Variants in SYNE1 observed in about 807,000 individuals in gnomAD.
SYNE1 encodes nesprin-1.
A neutral mutation model predicts 1,111.0 loss-of-function variants in SYNE1; 616 were observed. That is an observed-to-expected ratio of 0.55 (90% CI 0.52 to 0.59). The LOEUF (loss-of-function observed/expected upper bound fraction) is 0.59, where lower values mean the gene tolerates loss of function less well. Ranked by LOEUF, SYNE1 falls within the 20% of genes least tolerant of loss-of-function variation. The probability of loss-of-function intolerance (pLI) is 0.00; values close to 1 mark genes in which losing one functional copy is unlikely to be tolerated. For missense variants in SYNE1, 10,006 were observed against 10,417.0 expected (o/e 0.96, Z 1.72); for synonymous variants, 3,855 against 3,825.8 (o/e 1.01, Z -0.28).
In SYNE1 at chr6:152,244,589, C is replaced by T. The variant is rs766241487; in HGVS notation, c.19640G>A (p.Gly6547Asp). 28 of 1,613,968 alleles carry T rather than the reference C, an allele frequency of 1.7e-5. No individual in the cohort carries two copies. The highest frequency in any genetic ancestry group is 2.2e-5 in the Non-Finnish European group (26 of 1,179,980). The change falls in exon 106 of 146, where the codon GGT becomes GAT. Residue 6547 changes from glycine to aspartate, a missense_variant. Physicochemically the swap from Gly to Asp is moderately conservative, Grantham distance 94. Transcript: ENST00000367255. ...DAGIIELKRRGDKLQVEQPSM... is the reference protein window; with the variant it reads ...DAGIIELKRRDDKLQVEQPSM... ...CGGCTGCTCGACCTGTAGCTTGTCA[C>T]CACGCCTCTTTAATTCAATGATTCC...
chr6:152,455,751 A>T, intron 23 of SYNE1, 135 bp downstream of exon 23: 1 of 1,398,740 alleles, frequency 7.1e-7, no homozygotes, highest in South Asian at 1.2e-5. Context: ...TTAGGTAAAA[A>T]AGTAGGACAA....
chr6:152,135,598 T>C (rs924377139), intron 141 of SYNE1, among the ~76,000 whole-genome samples: 1 of 152,208 alleles, frequency 6.6e-6, no homozygotes, highest in South Asian at 2.1e-4. Flanking sequence ...GAATCTCATA[T>C]CCCCTTCATT....
intron 111 of SYNE1, 74 bp from the exon 112 acceptor site, chr6:152,234,037 G>A (rs1294232923): frequency 7.4e-6 from 11 of 1,480,986 alleles, no homozygotes; most frequent in African/African-American, 1.4e-5. Context: ...GACCAATTTA[G>A]TGCATGAAAC....
chr6:152,530,199 G>T, intron 4 of SYNE1, among the ~76,000 whole-genome samples: 1 of 152,170 alleles, frequency 6.6e-6, no homozygotes, highest in Non-Finnish European at 1.5e-5. Context: ...AGTCTGTCTT[G>T]CCCAGTTGGC....
chr6:152,319,108 T>G, intron 84 of SYNE1, 93 bp from the exon 85 acceptor site: 8 of 1,541,644 alleles, frequency 5.2e-6, no homozygotes, highest in Non-Finnish European at 7.0e-6. Context: ...AGACACATTT[T>G]AACTGCTTTG....
intron 55 of SYNE1, among the ~76,000 whole-genome samples, chr6:152,385,412 T>A (rs1486877934): frequency 6.6e-6 from 1 of 152,188 alleles, no homozygotes; most frequent in East Asian, 1.9e-4. Flanking sequence ...CCCACCAAAT[T>A]AGCCATTTCC....
chr6:152,344,885 T>C (rs538118537), intron 73 of SYNE1, among the ~76,000 whole-genome samples: 1 of 152,238 alleles, frequency 6.6e-6, no homozygotes, highest in Non-Finnish European at 1.5e-5. Flanking sequence ...AGAAAAATTA[T>C]GTGTCTATTT....
intron 32 of SYNE1, among the ~76,000 whole-genome samples, chr6:152,439,770 C>A (rs146124709): frequency 6.6e-6 from 1 of 152,048 alleles, no homozygotes; most frequent in East Asian, 1.9e-4. Context: ...TCTAAGACAC[C>A]GGTTAGTTCA....
intron 24 of SYNE1, among the ~76,000 whole-genome samples, chr6:152,455,078 C>G (rs2098686231): frequency 6.6e-6 from 1 of 152,142 alleles, no homozygotes; most frequent in African/African-American, 2.4e-5. Context: ...ATAAAATGAG[C>G]ACAAAGGACT....
At chr6:152,465,785 A>G (rs938833382) in intron 17 of SYNE1, among the ~76,000 whole-genome samples, 197 bp downstream of exon 17, 9 of 151,324 alleles carry the variant, frequency 5.9e-5, no homozygotes, top group South Asian at 2.1e-4. Flanking sequence ...ACACACACAC[A>G]CACACACACA....
intron 3 of SYNE1, among the ~76,000 whole-genome samples, chr6:152,624,661 C>A (rs2099682416): frequency 6.6e-6 from 1 of 152,126 alleles, no homozygotes; most frequent in Admixed American, 6.6e-5. Flanking sequence ...CAGAAACATT[C>A]ATTATTCTTA....
intron 128 of SYNE1, among the ~76,000 whole-genome samples, chr6:152,188,195 A>G (rs1221830596): frequency 6.6e-6 from 1 of 152,224 alleles, no homozygotes; most frequent in Non-Finnish European, 1.5e-5. Context: ...GATCCATTTA[A>G]CAGAGATGTA....
At chr6:152,238,307 C>T (rs1240491082) in intron 108 of SYNE1, among the ~76,000 whole-genome samples, 1 of 152,106 alleles carries the variant, frequency 6.6e-6, no homozygotes, top group African/African-American at 2.4e-5. Context: ...CAATTAACCA[C>T]GTGTCTTGGC....
At chr6:152,293,784 C>T (rs1192203381) in intron 94 of SYNE1, 35 bp from the exon 95 acceptor site, 6 of 1,613,704 alleles carry the variant, frequency 3.7e-6, no homozygotes, top group South Asian at 1.1e-5. Flanking sequence ...AAATGCTTCC[C>T]AGCCCCTTAT....
intron 6 of SYNE1, among the ~76,000 whole-genome samples, chr6:152,512,141 T>C (rs982701809): frequency 3.3e-5 from 5 of 152,178 alleles, no homozygotes; most frequent in African/African-American, 1.2e-4. Flanking sequence ...TACTTTACTC[T>C]TGAAAGTTTA....
chr6:152,560,250 C>T (rs946321308), intron 3 of SYNE1, among the ~76,000 whole-genome samples: 3 of 152,092 alleles, frequency 2.0e-5, no homozygotes, highest in African/African-American at 7.2e-5. Context: ...CCTATAGTCC[C>T]AGCTACTCGG....
intron 51 of SYNE1, 122 bp from the exon 52 acceptor site, chr6:152,391,690 G>A (rs184922044): frequency 8.4e-7 from 1 of 1,194,600 alleles, no homozygotes; most frequent in East Asian, 2.5e-5. Context: ...TAGCTGACAT[G>A]CCTTTTAAAT....
intron 46 of SYNE1, among the ~76,000 whole-genome samples, chr6:152,403,065 A>C (rs1391968106): frequency 6.6e-6 from 1 of 152,184 alleles, no homozygotes; most frequent in Non-Finnish European, 1.5e-5. Context: ...AACTAGATTG[A>C]TTGCTTAGCC....
In SYNE1 at chr6:152,490,128, C is replaced by T. The variant is rs139036403; in HGVS notation, c.940-1625G>A. Among the ~76,000 whole-genome samples, 468 of 152,226 alleles carry T rather than the reference C, an allele frequency of 3.1e-3. 5 individuals carry two copies. Among genetic ancestry groups the T allele is most frequent in the African/African-American group, 9.8e-3 (408 of 41,538 alleles). On this transcript the variant is annotated intron_variant, in intron 11 of 145. Coordinates refer to ENST00000367255, the MANE Select transcript of SYNE1 (RefSeq NM_182961.4). ...CAATAAAGATAATACAAACAAAATA[C>T]AACACAGTATAACAGCTATTTAAAT...
Sources: allele counts gnomAD v4.1 joint callset (sites outside exome capture counted in the v4.1 genomes callset), GRCh38; gene constraint gnomAD v4.1.1; transcripts MANE v1.5; gene names NCBI Gene and HGNC (gene_info 2026-07-23, HGNC 2026-07-21).